Variants in MAST4 observed in about 807,000 individuals in gnomAD.
MAST4 encodes microtubule-associated serine/threonine-protein kinase 4.
In MAST4, 89 loss-of-function variants were observed where a neutral mutation model predicts 162.7. The observed-to-expected ratio is 0.55, with a 90% CI of 0.46 to 0.65. The LOEUF (loss-of-function observed/expected upper bound fraction) is 0.65, where lower values mean the gene tolerates loss of function less well. Ranked by LOEUF, MAST4 falls within the 30% of genes least tolerant of loss-of-function variation. The probability of loss-of-function intolerance (pLI) is 0.00; values close to 1 mark genes in which losing one functional copy is unlikely to be tolerated. For missense variants in MAST4, 3,153 were observed against 3,374.0 expected, an observed-to-expected ratio of 0.93 and a Z score of 1.62; for synonymous variants, 1,479 against 1,361.1, an observed-to-expected ratio of 1.09 and a Z score of -1.91.
In MAST4 at chr5:67,162,740, C is replaced by G. The variant is rs763409194; in HGVS notation, c.3919C>G (p.Pro1307Ala). 6.2e-7 allele frequency: 1 copy of G among 1,613,852 alleles called. No homozygotes were observed. Among genetic ancestry groups the G allele is most frequent in the Non-Finnish European group, 8.5e-7 (1 of 1,179,868 alleles). The stretch of plus-strand genomic sequence containing the variant: ...AGGTTCCCCCACTCATAGCTTGTCT[C>G]CCCGGTCTCCAACACCAAGCTACCG... ...LPGSPTHSLS[P>A]RSPTPSYRST... Residue 1307 changes from proline to alanine, a missense_variant, in exon 28 of 29, where the codon CCC becomes GCC. By Grantham distance (27) the Pro-to-Ala change is conservative (BLOSUM62 -1). Transcript: ENST00000403625.
At chr5:66,720,404 T>C (rs1449985902) in intron 1 of MAST4, among the ~76,000 whole-genome samples, 1 of 152,208 alleles carries the variant, frequency 6.6e-6, no homozygotes, top group Non-Finnish European at 1.5e-5. Flanking sequence ...TTCCATATAG[T>C]TATTGAATTT....
chr5:66,878,237 T>C (rs531217318), intron 3 of MAST4, among the ~76,000 whole-genome samples: 6 of 152,372 alleles, frequency 3.9e-5, no homozygotes, highest in African/African-American at 1.4e-4. Flanking sequence ...ACAACTGTCT[T>C]AGATGTTCAA....
At chr5:66,805,993 G>A (rs1170106209) in intron 3 of MAST4, among the ~76,000 whole-genome samples, 1 of 152,192 alleles carries the variant, frequency 6.6e-6, no homozygotes. Flanking sequence ...TAGCGGTAGA[G>A]GTGTTCTCTG....
intron 3 of MAST4, among the ~76,000 whole-genome samples, chr5:66,859,281 T>A (rs190186921): frequency 3.3e-5 from 5 of 152,334 alleles, no homozygotes; most frequent in Admixed American, 2.0e-4. Context: ...AGACATACAT[T>A]AAGATTTCTT....
chr5:66,842,462 G>A (rs1182652766), intron 3 of MAST4, among the ~76,000 whole-genome samples: 2 of 143,210 alleles, frequency 1.4e-5, no homozygotes, highest in Non-Finnish European at 3.1e-5. Flanking sequence ...CTCCCGCCCC[G>A]CCAAATGTTG....
intron 4 of MAST4, among the ~76,000 whole-genome samples, chr5:66,969,769 A>C (rs1747203059): frequency 6.6e-6 from 1 of 152,200 alleles, no homozygotes; most frequent in Admixed American, 6.5e-5. Flanking sequence ...TAAGACTGGG[A>C]AAGTCACCTG....
intron 2 of MAST4, among the ~76,000 whole-genome samples, chr5:66,760,236 C>A (rs1209593203): frequency 5.4e-5 from 8 of 149,284 alleles, no homozygotes; most frequent in Admixed American, 5.3e-4. Flanking sequence ...CTGCCTCAGC[C>A]TCCTGAGTAG....
intron 4 of MAST4, among the ~76,000 whole-genome samples, chr5:66,945,411 C>T (rs2150114728): frequency 6.6e-6 from 1 of 152,204 alleles, no homozygotes; most frequent in Middle Eastern, 3.4e-3. Flanking sequence ...ATGATAAGTC[C>T]TCAGTTGGCT....
rs1327828111 is a variant in MAST4 at position 66,911,569 on chromosome 5, CCCCCCCGCA to C, written c.674+11588_674+11596del. ...AACAAACAACAACAACCCCCCCCCCCCCCCCCGCAAAAAAAAATTAGCTAGGCATGGTGG... is the reference window on the plus strand; with the variant it reads ...AACAAACAACAACAACCCCCCCCCCCAAAAAAAATTAGCTAGGCATGGTGG... On this transcript the variant is annotated intron_variant, in intron 4 of 28. Transcript: ENST00000403625. Among the ~76,000 whole-genome samples, 5 of 86,352 alleles carry C rather than the reference CCCCCCCGCA, an allele frequency of 5.8e-5. 1 individual carries two copies. The highest frequency in any genetic ancestry group is 5.2e-4 in the Admixed American group (5 of 9,700). 56.7% of individuals were successfully genotyped at this position (86,352 alleles called of 152,430 possible). A position where few individuals can be genotyped will look rare whatever the true frequency, so the allele number is the denominator to read the frequency against.
chr5:66,951,634 G>GTGTA (rs1554072460), intron 4 of MAST4, among the ~76,000 whole-genome samples: 12 of 148,728 alleles, frequency 8.1e-5, no homozygotes, highest in African/African-American at 3.1e-4. Flanking sequence ...GTGTGTGTGT[G>GTGTA]TGTGTGTGTG....
At chr5:67,020,175 G>C (rs1753800658) in intron 4 of MAST4, among the ~76,000 whole-genome samples, 2 of 152,162 alleles carry the variant, frequency 1.3e-5, no homozygotes, top group African/African-American at 2.4e-5. Flanking sequence ...TAACCATTTA[G>C]TGACTATGCC....
At chr5:67,162,218 C>G (rs1433387116) in intron 27 of MAST4, among the ~76,000 whole-genome samples, 2 of 152,182 alleles carry the variant, frequency 1.3e-5, no homozygotes, top group African/African-American at 4.8e-5. Flanking sequence ...GGTTTTGCTT[C>G]CAGAGGTTTA....
At chr5:66,951,630 G>GTA (rs981819881) in intron 4 of MAST4, among the ~76,000 whole-genome samples, 1,781 of 147,218 alleles carry the variant, frequency 0.012, 42 homozygotes, top group African/African-American at 0.044. Context: ...GTGTGTGTGT[G>GTA]TGTGTGTGTG....
At chr5:66,991,626 A>G (rs545594631) in intron 4 of MAST4, among the ~76,000 whole-genome samples, 1 of 152,348 alleles carries the variant, frequency 6.6e-6, no homozygotes, top group South Asian at 2.1e-4. Flanking sequence ...TTTCTGGGAC[A>G]AAATCACTGG....
At position 67,166,284 on chromosome 5, in the gene MAST4, G is replaced by A. The variant is rs1581796124; in HGVS notation, c.7105G>A (p.Ala2369Thr). The A allele has an allele frequency of 6.4e-7, 1 of 1,559,616 alleles. No individual in the cohort carries two copies. The highest frequency in any genetic ancestry group is 8.7e-7 in the Non-Finnish European group (1 of 1,151,418). The change falls in exon 29 of 29, where the codon GCG becomes ACG. Residue 2369 changes from alanine to threonine, a missense_variant. This residue lies in a region of MAST4 where 1,644 missense variants were observed against 1,495.0 expected (regional missense o/e 1.10). Transcript: ENST00000403625. ...SQPAANTDRRAEGKKCTEALY... is the reference protein window; with the variant it reads ...SQPAANTDRRTEGKKCTEALY... ...GCCGGCCGCCAACACCGACAGAAGG[G>A]CGGAAGGGAAGAAATGCACTGAAGC...
chr5:67,087,373 C>G (rs1228500624), intron 5 of MAST4, among the ~76,000 whole-genome samples: 1 of 152,178 alleles, frequency 6.6e-6, no homozygotes, highest in African/African-American at 2.4e-5. Context: ...CCACCCATAC[C>G]AATTACACTC....
At chr5:66,620,965 A>G (rs1744037747) in intron 1 of MAST4, among the ~76,000 whole-genome samples, 1 of 152,194 alleles carries the variant, frequency 6.6e-6, no homozygotes, top group Non-Finnish European at 1.5e-5. Context: ...AGACAAGTAT[A>G]GGAAATGACA....
chr5:67,022,348 ACT>A (rs984028294), intron 4 of MAST4, among the ~76,000 whole-genome samples: 1 of 151,098 alleles, frequency 6.6e-6, no homozygotes, highest in Admixed American at 6.6e-5. Flanking sequence ...CAAGTTTGTG[ACT>A]CTCATATTGC....
chr5:66,928,343 AG>A (rs1765058417), intron 4 of MAST4, among the ~76,000 whole-genome samples: 2 of 152,350 alleles, frequency 1.3e-5, no homozygotes, highest in Non-Finnish European at 1.5e-5. Flanking sequence ...AGAGAGTGAA[AG>A]GACTGTGGAA....
Sources: gnomAD v4.1 joint callset for allele counts (sites outside exome capture counted in the v4.1 genomes callset) on GRCh38, gnomAD v4.1.1 for gene constraint, gnomAD v4.1.1 regional missense constraint, MANE v1.5 for transcripts, NCBI Gene and HGNC (gene_info 2026-07-23, HGNC 2026-07-21) for gene names.